ZNF274: variants seen among roughly 807,000 people sequenced by gnomAD.
The protein encoded by ZNF274 is zinc finger protein 274.
ZNF274 carries 23 observed loss-of-function variants against 42.5 expected under a neutral mutation model. The observed-to-expected ratio is 0.54, with a 90% confidence interval of 0.39 to 0.77. The LOEUF is 0.77. ZNF274 is among the 30% of genes least tolerant of loss of function. ZNF274 has a pLI of 0.00. For synonymous variants in ZNF274, 292 were observed against 305.4 expected (o/e 0.96, Z 0.46); for missense variants, 679 against 806.5 (o/e 0.84, Z 1.91).
intron 4 of ZNF274, among the ~76,000 whole-genome samples, chr19:58,204,438 A>G (rs960383240): frequency 4.6e-5 from 7 of 151,958 alleles, no homozygotes; most frequent in Admixed American, 1.3e-4. Flanking sequence ...GGACGGTGCT[A>G]TTCTGGGCGA....
At chr19:58,185,910 C>T (rs2075692307) in intron 3 of ZNF274, 72 bp downstream of exon 3, 2 of 1,300,198 alleles carry the variant, frequency 1.5e-6, no homozygotes, top group Non-Finnish European at 2.0e-6. Context: ...AAGTATGTGT[C>T]TGCTTGGGCT....
At position 58,186,962 on chromosome 19, in the gene ZNF274, A is replaced by G. The variant is rs541216736; in HGVS notation, c.176A>G (p.Lys59Arg). ...CTTTGAGCAGAACATCAGCTTTCCA[A>G]ACCAGATGTGGTATCTCAGTTAGAG... ...NLVSVEHQLS[K>R]PDVVSQLEEA... The change falls in exon 4 of 8, where the codon AAA becomes AGA. Residue 59 changes from lysine (K) to arginine (R), a missense_variant. Around this residue, in one of 2 missense-constraint regions of ZNF274, gnomAD observed 223 missense variants for 216.4 expected, o/e 1.03. Coordinates refer to ENST00000617501, the MANE Select transcript of ZNF274 (RefSeq NM_133502.3). The G allele has an allele frequency of 2.5e-6, 4 of 1,613,572 alleles. No homozygotes were observed. The highest frequency in any genetic ancestry group is 3.4e-6 in the Non-Finnish European group (4 of 1,179,778).
chr19:58,190,739 G>A (rs1182527519), intron 4 of ZNF274, among the ~76,000 whole-genome samples: 7 of 152,134 alleles, frequency 4.6e-5, no homozygotes, highest in Non-Finnish European at 1.0e-4. Flanking sequence ...GTGTTTGCTT[G>A]GTCAGCTTTT....
At chr19:58,206,184 G>A (rs1295192408) in intron 4 of ZNF274, among the ~76,000 whole-genome samples, 1 of 152,166 alleles carries the variant, frequency 6.6e-6, no homozygotes, top group Non-Finnish European at 1.5e-5. Context: ...GTGGCCTTTT[G>A]TGTCTGGCTT....
chr19:58,198,807 CTTTTTTTTTTT>C (rs59644027), intron 4 of ZNF274, among the ~76,000 whole-genome samples: 2 of 131,494 alleles, frequency 1.5e-5, no homozygotes, highest in Non-Finnish European at 3.2e-5. Flanking sequence ...TTAACTTTGA[CTTTTTTTTTTT>C]TTTTTTTTTA....
At chr19:58,183,671 A>C in intron 1 of ZNF274, 1 of 343,316 alleles carries the variant, frequency 2.9e-6, no homozygotes. Context: ...CGCCTCCGGA[A>C]GCGTGGGGTC....
Position 58,207,227 on chromosome 19 carries a change from A to C in ZNF274, c.739+25A>C. ...GGTAAGTAGAAGGGTGGGTAGAGGG[A>C]CAGCTTAATGAGGGTGTCTTGGAGT... On this transcript the variant is annotated intron_variant, in intron 5 of 7. Transcript: ENST00000617501. This position sits in a 1 kb window ranked among gnomAD's most constrained non-coding sequence, Gnocchi z 5.6. 2.5e-6 allele frequency: 4 copies of C among 1,590,480 alleles called. No homozygotes were observed. Among genetic ancestry groups the C allele is most frequent in the Non-Finnish European group, 3.4e-6 (4 of 1,167,754 alleles).
intron 4 of ZNF274, 47 bp downstream of exon 4, chr19:58,187,089 T>A (rs1283643483): frequency 1.3e-6 from 2 of 1,486,302 alleles, no homozygotes; most frequent in Non-Finnish European, 1.9e-6. Context: ...GGCCAACTGA[T>A]GAGTCAGGGA....
In ZNF274 at chr19:58,183,937, A is replaced by C. The variant is rs1179941810; in HGVS notation, c.-29A>C. ...TTTCCTCAGGACTCTGCCCACTTCC[A>C]CCAGAGACACATTGAGAAGGAGGAA... On this transcript the variant is annotated 5_prime_UTR_variant, in exon 2 of 8. Coordinates refer to ENST00000617501, the MANE Select transcript of ZNF274 (RefSeq NM_133502.3). The C allele has an allele frequency of 1.3e-6, 2 of 1,585,864 alleles. No homozygotes were observed. Among genetic ancestry groups the C allele is most frequent in the South Asian group, 2.3e-5 (2 of 86,784 alleles).
chr19:58,209,659 G>A, intron 5 of ZNF274: 1 of 241,162 alleles, frequency 4.1e-6, no homozygotes, highest in African/African-American at 2.3e-5. Context: ...CACAGGAGGG[G>A]CTGGGGCCCT....
At chr19:58,184,111 G>A in intron 2 of ZNF274, 113 bp downstream of exon 2, 1 of 1,241,720 alleles carries the variant, frequency 8.1e-7, no homozygotes, top group Non-Finnish European at 1.1e-6. Flanking sequence ...GCACCTCGGG[G>A]AGGGGGTAGA....
At chr19:58,187,532 C>T (rs1443230521) in intron 4 of ZNF274, among the ~76,000 whole-genome samples, 3 of 152,024 alleles carry the variant, frequency 2.0e-5, no homozygotes, top group East Asian at 3.8e-4. Flanking sequence ...AGCTGTCCTC[C>T]GACCTCAGCC....
intron 4 of ZNF274, among the ~76,000 whole-genome samples, chr19:58,199,086 C>T (rs2075878013): frequency 6.6e-6 from 1 of 152,024 alleles, no homozygotes; most frequent in Non-Finnish European, 1.5e-5. Flanking sequence ...TACTATTTGG[C>T]TGGGCACGGT....
At position 58,207,228 on chromosome 19, in the gene ZNF274, C is replaced by A. The variant is rs2075990618; in HGVS notation, c.739+26C>A. 6.3e-7 allele frequency: 1 copy of A among 1,587,028 alleles called. No individual in the cohort carries two copies. The highest frequency in any genetic ancestry group is 1.7e-5 in the Admixed American group (1 of 57,396). ...GTAAGTAGAAGGGTGGGTAGAGGGACAGCTTAATGAGGGTGTCTTGGAGTA... is the reference window on the plus strand; with the variant it reads ...GTAAGTAGAAGGGTGGGTAGAGGGAAAGCTTAATGAGGGTGTCTTGGAGTA... On this transcript the variant is annotated intron_variant, in intron 5 of 7. Coordinates refer to ENST00000617501, the MANE Select transcript of ZNF274 (RefSeq NM_133502.3). This position sits in a 1 kb window ranked among gnomAD's most constrained non-coding sequence, Gnocchi z 5.6.
At chr19:58,187,141 T>C in intron 4 of ZNF274, 99 bp downstream of exon 4, 1 of 1,022,622 alleles carries the variant, frequency 9.8e-7, no homozygotes, top group Non-Finnish European at 1.5e-6. Flanking sequence ...ATACCCCAGG[T>C]GGGATGCTGT....
At chr19:58,190,078 G>T (rs2075760943) in intron 4 of ZNF274, among the ~76,000 whole-genome samples, 1 of 150,276 alleles carries the variant, frequency 6.7e-6, no homozygotes, top group Non-Finnish European at 1.5e-5. Context: ...AACCCAGACT[G>T]CGCCACTGCA....
At chr19:58,192,398 G>A (rs773919009) in intron 4 of ZNF274, among the ~76,000 whole-genome samples, 1 of 152,170 alleles carries the variant, frequency 6.6e-6, no homozygotes, top group Non-Finnish European at 1.5e-5. Context: ...GGAAAATCAG[G>A]TGTGTGTGAT....
At chr19:58,187,839 C>T (rs1373603320) in intron 4 of ZNF274, among the ~76,000 whole-genome samples, 8 of 152,190 alleles carry the variant, frequency 5.3e-5, no homozygotes, top group African/African-American at 1.9e-4. Context: ...GATTTTCCAG[C>T]CTCAGCCTCT....
intron 4 of ZNF274, among the ~76,000 whole-genome samples, chr19:58,192,979 C>T (rs1006552573): frequency 2.6e-5 from 4 of 152,178 alleles, no homozygotes; most frequent in South Asian, 4.1e-4. Flanking sequence ...ATCCTCCCCG[C>T]GTCAGTTTCC....
Sources: allele counts gnomAD v4.1 joint callset (sites outside exome capture counted in the v4.1 genomes callset), GRCh38; gene constraint gnomAD v4.1.1; regional missense constraint gnomAD v4.1.1; non-coding constraint Gnocchi (gnomAD v3.1); transcripts MANE v1.5; gene names NCBI Gene and HGNC (gene_info 2026-07-23, HGNC 2026-07-21).